The following BRCA2 variants were observed in gnomAD, a reference collection of about 807,000 sequenced individuals.
BRCA2 encodes BRCA2 DNA repair associated.
In BRCA2, 203 loss-of-function variants were observed where a neutral mutation model predicts 276.7. The ratio of observed to expected loss-of-function variants is 0.73; its 90% CI spans 0.65 to 0.82. The LOEUF (loss-of-function observed/expected upper bound fraction) is 0.82. Ranked by LOEUF, BRCA2 falls within the 40% of genes least tolerant of loss-of-function variation. The probability of loss-of-function intolerance (pLI) is 0.00; values close to 1 mark genes in which losing one functional copy is unlikely to be tolerated. For missense variants in BRCA2, 3,920 were observed against 3,915.0 expected, an observed-to-expected ratio of 1.00 and a Z score of -0.03; for synonymous variants, 1,289 against 1,338.4, an observed-to-expected ratio of 0.96 and a Z score of 0.81.
In BRCA2 at chr13:32,340,944, A is replaced by G. The variant is rs2137528860; in HGVS notation, c.6589A>G (p.Thr2197Ala). ...AAACGTAAAAATGGAAATTGGTAAA[A>G]CTGAAACTTTTTCTGATGTTCCTGT... ...PKNVKMEIGK[T>A]ETFSDVPVKT... The change falls in exon 11 of 27, where the codon ACT becomes GCT. Residue 2197 changes from threonine (T) to alanine (A), a missense_variant. By Grantham distance (58) the Thr-to-Ala change is moderately conservative. Transcript: ENST00000380152. 6.2e-7 allele frequency: 1 copy of G among 1,609,956 alleles called. No homozygotes were observed. The highest frequency in any genetic ancestry group is 8.5e-7 in the Non-Finnish European group (1 of 1,179,050).
rs1218085330 is a variant in BRCA2 at position 32,399,522 on chromosome 13, CCA to C, written c.*753_*754del. 1 of 182,696 alleles carries C rather than the reference CCA, an allele frequency of 5.5e-6. No homozygotes were observed. The highest frequency in any genetic ancestry group is 1.2e-5 in the Non-Finnish European group (1 of 85,850). The allele number at this position is 182,696 out of a possible 1,614,324, so 11.3% of individuals were successfully genotyped here. A position where few individuals can be genotyped will look rare whatever the true frequency, so the allele number is the denominator to read the frequency against. ...GTAACTCTAATTCCTTTTTACTATT[CCA>C]GTGTGATCTCTGAAATTAAATTACT... On this transcript the variant is annotated 3_prime_UTR_variant, in exon 27 of 27. Coordinates refer to ENST00000380152, the MANE Select transcript of BRCA2 (RefSeq NM_000059.4).
rs1555287636 is a variant in BRCA2, at chr13:32,370,488, A to T, written c.8418A>T (p.Ser2806=). 3 of 1,614,018 alleles carry T rather than the reference A, an allele frequency of 1.9e-6. No homozygotes were observed. The highest frequency in any genetic ancestry group is 2.5e-6 in the Non-Finnish European group (3 of 1,179,886). ...PDPRPFPLPL[S]SLFSDGGNVG... is the part of the protein sequence containing the mutation. Reference sequence around the variant, plus strand: ...CTAGACCTTTTCCTCTGCCCTTATCATCGCTTTTCAGTGATGGAGGAAATG... The same window carrying T: ...CTAGACCTTTTCCTCTGCCCTTATCTTCGCTTTTCAGTGATGGAGGAAATG... The change falls in exon 19 of 27, where the codon TCA becomes TCT. Residue 2806 remains serine (S), a synonymous_variant. Transcript: ENST00000380152.
Position 32,316,495 on chromosome 13 carries a change from T to C in BRCA2, c.35T>C (p.Phe12Ser), listed in dbSNP as rs587782872. The change falls in exon 2 of 27, where the codon TTT becomes TCT. Residue 12 changes from phenylalanine (F) to serine (S), a missense_variant. Phe to Ser is a radical substitution (Grantham distance 155). Coordinates refer to ENST00000380152, the MANE Select transcript of BRCA2 (RefSeq NM_000059.4). ...GGATCCAAAGAGAGGCCAACATTTT[T>C]TGAAATTTTTAAGACACGCTGCAAC... is the stretch of plus-strand genomic sequence containing the variant. The part of the protein sequence containing the change: ...PIGSKERPTF[F>S]EIFKTRCNKA... 1 of 1,614,030 alleles carries C rather than the reference T, an allele frequency of 6.2e-7. No homozygotes were observed. Among genetic ancestry groups the C allele is most frequent in the Non-Finnish European group, 8.5e-7 (1 of 1,179,984 alleles).
chr13:32,354,823 A>G (rs775663339), intron 13 of BRCA2, 38 bp from the exon 14 acceptor site: 3 of 1,317,402 alleles, frequency 2.3e-6, no homozygotes, highest in East Asian at 2.3e-5. Flanking sequence ...TTATATGTGT[A>G]CTAGTCAATA....
rs186205967 is a variant in BRCA2, at chr13:32,397,274, A to G, written c.9648+230A>G. ...AGGTGCTTTCATTTACATGTGATTG[A>G]AAAGTGTTTTTTGTCATTTATTTCA... is the stretch of plus-strand genomic sequence containing the variant. On this transcript the variant is annotated intron_variant, in intron 26 of 26. Coordinates refer to ENST00000380152, the MANE Select transcript of BRCA2 (RefSeq NM_000059.4). Among the ~76,000 whole-genome samples, 10 of 152,292 alleles carry G rather than the reference A, an allele frequency of 6.6e-5. No individual in the cohort carries two copies. In the East Asian group the frequency reaches 1.7e-3, roughly 26 times the overall value.
intron 18 of BRCA2, among the ~76,000 whole-genome samples, chr13:32,369,067 C>CA (rs2072809523): frequency 6.6e-6 from 1 of 152,122 alleles, no homozygotes; most frequent in Admixed American, 6.5e-5. Context: ...CTCGGCCTCC[C>CA]AAAGTGTTGG....
rs79728106 is a variant in BRCA2 at position 32,337,521 on chromosome 13, C to A, written c.3166C>A (p.Gln1056Lys). 6.2e-7 allele frequency: 1 copy of A among 1,607,714 alleles called. No individual in the cohort carries two copies. Among genetic ancestry groups the A allele is most frequent in the South Asian group, 1.1e-5 (1 of 89,942 alleles). ...TGTAAATACCTTGGCATTAGATAAT[C>A]AAAAGAAACTGAGCAAGCCTCAGTC... is the stretch of plus-strand genomic sequence containing the variant. The part of the protein sequence containing the change: ...EIVNTLALDN[Q>K]KKLSKPQSIN... The change falls in exon 11 of 27, where the codon CAA becomes AAA. Residue 1056 changes from glutamine to lysine, a missense_variant. Coordinates refer to ENST00000380152, the MANE Select transcript of BRCA2 (RefSeq NM_000059.4).
Position 32,398,261 on chromosome 13 carries a change from T to G in BRCA2, c.9748T>G (p.Ser3250Ala), listed in dbSNP as rs1173590589. The G allele has an allele frequency of 6.2e-7, 1 of 1,614,178 alleles. No individual in the cohort carries two copies. ...CACACCTGTCTCAGCCCAGATGACT[T>G]CAAAGTCTTGTAAAGGGGAGAAAGA... Reference protein sequence around the residue: ...VSTPVSAQMTSKSCKGEKEID... With the variant: ...VSTPVSAQMTAKSCKGEKEID... Residue 3250 changes from serine (S) to alanine (A), a missense_variant, in exon 27 of 27, where the codon TCA becomes GCA. Transcript: ENST00000380152.
In BRCA2 at chr13:32,340,467, C is replaced by T. The variant is rs587778123; in HGVS notation, c.6112C>T (p.His2038Tyr). ...EENTAIRTPEHLISQKGFSYN... is the reference protein window; with the variant it reads ...EENTAIRTPEYLISQKGFSYN... The stretch of plus-strand genomic sequence containing the variant: ...AAATACTGCTATACGTACTCCAGAA[C>T]ATTTAATATCCCAAAAAGGCTTTTC... The change falls in exon 11 of 27, where the codon CAT becomes TAT. Residue 2038 changes from histidine to tyrosine, a missense_variant. Around this residue, in one of 2 missense-constraint regions of BRCA2, gnomAD observed 3,263 missense variants for 3,156.9 expected, o/e 1.03. Transcript: ENST00000380152. The T allele has an allele frequency of 1.2e-6, 2 of 1,613,730 alleles. No individual in the cohort carries two copies. The highest frequency in any genetic ancestry group is 1.1e-5 in the South Asian group (1 of 91,082).
chr13:32,348,269 G>C lies in BRCA2; in HGVS notation c.7007+1373G>C, dbSNP rs565116415. Among the ~76,000 whole-genome samples, 3 of 147,420 alleles carry C rather than the reference G, an allele frequency of 2.0e-5. No individual in the cohort carries two copies. The South Asian group carries it at 6.8e-4, about 34-fold the overall frequency. Reference sequence around the variant, plus strand: ...AAGGCACAGAAGAGAAATGAAGAAAGAAATTTTAAAATAAATACATAATTT... The same window carrying C: ...AAGGCACAGAAGAGAAATGAAGAAACAAATTTTAAAATAAATACATAATTT... On this transcript the variant is annotated intron_variant, in intron 13 of 26. Coordinates refer to ENST00000380152, the MANE Select transcript of BRCA2 (RefSeq NM_000059.4).
rs397508025 is a variant in BRCA2 at position 32,379,774 on chromosome 13, C to T, written c.8978C>T (p.Ser2993Leu). The change falls in exon 23 of 27, where the codon TCA becomes TTA. Residue 2993 changes from serine (S) to leucine (L), a missense_variant. Transcript: ENST00000380152. The stretch of plus-strand genomic sequence containing the variant: ...GTTATACTGAGTATTTGGCGTCCAT[C>T]ATCAGATTTATATTCTCTGTTAACA... ...DSVILSIWRP[S>L]SDLYSLLTEG... The T allele has an allele frequency of 6.2e-7, 1 of 1,612,486 alleles. No homozygotes were observed. The highest frequency in any genetic ancestry group is 8.5e-7 in the Non-Finnish European group (1 of 1,178,582).
intron 8 of BRCA2, 112 bp from the exon 9 acceptor site, chr13:32,330,807 T>G: frequency 1.4e-6 from 1 of 694,894 alleles, no homozygotes; most frequent in East Asian, 2.7e-5. Flanking sequence ...GGACCTAGGT[T>G]GATTGCAGAT....
Position 32,332,830 on chromosome 13 carries a change from G to A in BRCA2, c.1352G>A (p.Ser451Asn), listed in dbSNP as rs587782422. The change falls in exon 10 of 27, where the codon AGC becomes AAC. Residue 451 changes from serine (S) to asparagine (N), a missense_variant. Ser to Asn is a conservative substitution (Grantham distance 46, BLOSUM62 1). This residue lies in a region of BRCA2 where 3,263 missense variants were observed against 3,156.9 expected (regional missense o/e 1.03). Transcript: ENST00000380152. ...TSENSLPRIS[S>N]LPKSEKPLNE... is the part of the protein sequence containing the mutation. ...GAGAATTCTTTGCCACGTATTTCTAGCCTACCAAAATCAGAGAAGCCATTA... is the reference window on the plus strand; with the variant it reads ...GAGAATTCTTTGCCACGTATTTCTAACCTACCAAAATCAGAGAAGCCATTA... 2.5e-6 allele frequency: 4 copies of A among 1,611,504 alleles called. No homozygotes were observed. Among genetic ancestry groups the A allele is most frequent in the Non-Finnish European group, 3.4e-6 (4 of 1,179,426 alleles).
chr13:32,361,043 A>T (rs1380075837), intron 16 of BRCA2, among the ~76,000 whole-genome samples: 4 of 152,154 alleles, frequency 2.6e-5, no homozygotes, highest in Admixed American at 6.5e-5. Context: ...CCAAGTGGAG[A>T]TGTTAGGTAG....
chr13:32,386,447 G>A (rs962905087), intron 24 of BRCA2, among the ~76,000 whole-genome samples: 1 of 152,056 alleles, frequency 6.6e-6, no homozygotes, highest in Non-Finnish European at 1.5e-5. Context: ...TCTGCTTGCT[G>A]TTTTCAGAAA....
At chr13:32,370,378 C>CA in intron 18 of BRCA2, 24 bp from the exon 19 acceptor site, 1 of 1,591,690 alleles carries the variant, frequency 6.3e-7, no homozygotes, top group Non-Finnish European at 8.6e-7. Context: ...ACTACTAAAT[C>CA]AATATATTTA....
intron 13 of BRCA2, among the ~76,000 whole-genome samples, chr13:32,354,089 A>T (rs2072670555): frequency 6.6e-6 from 1 of 152,226 alleles, no homozygotes. Flanking sequence ...CCAGTAAAAG[A>T]TGAAAGAGGT....
At chr13:32,355,387 A>G (rs548226890) in intron 14 of BRCA2, 99 bp downstream of exon 14, 17 of 1,308,400 alleles carry the variant, frequency 1.3e-5, no homozygotes, top group Non-Finnish European at 1.6e-5. Context: ...GGTGGTGGTA[A>G]TTTTAAAGCC....
chr13:32,385,244 C>T (rs1419454033), intron 24 of BRCA2: 4 of 191,312 alleles, frequency 2.1e-5, no homozygotes, highest in South Asian at 1.2e-4. Flanking sequence ...AAATTAGCAA[C>T]GGGGGATCAC....
Sources: gnomAD v4.1 joint callset for allele counts (sites outside exome capture counted in the v4.1 genomes callset) on GRCh38, gnomAD v4.1.1 for gene constraint, gnomAD v4.1.1 regional missense constraint, MANE v1.5 for transcripts, NCBI Gene and HGNC (gene_info 2026-07-23, HGNC 2026-07-21) for gene names.